The following CDH13 variants were observed in gnomAD, a reference collection of about 807,000 sequenced individuals.
CDH13 encodes cadherin 13.
A neutral mutation model predicts 63.8 loss-of-function variants in CDH13; 24 were observed. The ratio of observed to expected loss-of-function variants is 0.38; its 90% CI spans 0.27 to 0.53. The LOEUF (loss-of-function observed/expected upper bound fraction) is 0.53. Ranked by LOEUF, CDH13 falls within the 20% of genes least tolerant of loss-of-function variation. The pLI, the probability that CDH13 is intolerant of heterozygous loss-of-function variation, is 0.85. For synonymous variants in CDH13, 503 were observed against 355.3 expected, an observed-to-expected ratio of 1.42 and a Z score of -4.67; for missense variants, 1,049 against 903.1, an observed-to-expected ratio of 1.16 and a Z score of -2.07.
chr16:83,780,029 T>C lies in CDH13; in HGVS notation c.1743T>C (p.Asn581=). Residue 581 remains asparagine (N), a synonymous_variant, in exon 12 of 14, where the codon AAT becomes AAC. Transcript: ENST00000567109. ...TAACCCTGGAGGACGTGAATGACAA[T>C]GCCCCGTTCATTTACCCCACAGTAG... is the stretch of plus-strand genomic sequence containing the variant. ...LLITLEDVND[N]APFIYPTVAE... The C allele has an allele frequency of 1.2e-6, 2 of 1,613,992 alleles. No homozygotes were observed. The highest frequency in any genetic ancestry group is 1.7e-6 in the Non-Finnish European group (2 of 1,179,880).
At chr16:82,873,376 CCT>C (rs1567619500) in intron 2 of CDH13, among the ~76,000 whole-genome samples, 2 of 152,200 alleles carry the variant, frequency 1.3e-5, no homozygotes, top group Admixed American at 6.5e-5. Context: ...GTGTTACAAT[CCT>C]CTGACTCCAA....
intron 1 of CDH13, among the ~76,000 whole-genome samples, chr16:82,836,376 C>T (rs573176632): frequency 6.6e-6 from 1 of 152,254 alleles, no homozygotes; most frequent in Admixed American, 6.5e-5. Flanking sequence ...TCTTGAACTC[C>T]TGACCTCAGG....
At chr16:82,824,219 A>G (rs749227691) in intron 1 of CDH13, 5 of 152,194 alleles carry the variant, frequency 3.3e-5, no homozygotes, top group African/African-American at 7.2e-5. Flanking sequence ...GTTTAAATAC[A>G]TAAGTTCATA....
At chr16:83,381,670 T>C (rs1294715036) in intron 6 of CDH13, among the ~76,000 whole-genome samples, 1 of 151,894 alleles carries the variant, frequency 6.6e-6, no homozygotes, top group Non-Finnish European at 1.5e-5. Context: ...CACTTGTCTA[T>C]CTGAGTCAAA....
intron 6 of CDH13, among the ~76,000 whole-genome samples, chr16:83,350,520 A>G (rs976903208): frequency 1.3e-5 from 2 of 151,304 alleles, no homozygotes; most frequent in African/African-American, 4.9e-5. Context: ...AAGCCCAGCC[A>G]CTTTCCCTCC....
At chr16:82,902,035 C>T (rs2151245210) in intron 2 of CDH13, among the ~76,000 whole-genome samples, 1 of 152,310 alleles carries the variant, frequency 6.6e-6, no homozygotes, top group East Asian at 1.9e-4. Context: ...GTGGCAGAGT[C>T]AAGACTCAAA....
chr16:82,634,905 A>G (rs1244811156), intron 1 of CDH13, among the ~76,000 whole-genome samples: 1 of 152,214 alleles, frequency 6.6e-6, no homozygotes, highest in African/African-American at 2.4e-5. Flanking sequence ...AGGATCTACT[A>G]TGTTCCAAGC....
intron 5 of CDH13, among the ~76,000 whole-genome samples, chr16:83,296,346 G>A (rs1179447790): frequency 6.6e-6 from 1 of 152,132 alleles, no homozygotes; most frequent in Non-Finnish European, 1.5e-5. Context: ...AGCAGAGTCG[G>A]ATGATGCATT....
chr16:83,506,871 T>C (rs1276805041), intron 7 of CDH13, among the ~76,000 whole-genome samples: 1 of 152,216 alleles, frequency 6.6e-6, no homozygotes, highest in Non-Finnish European at 1.5e-5. Flanking sequence ...ACCTTGGAAG[T>C]AGACCTTCTA....
chr16:83,050,912 C>G (rs1440942338), intron 3 of CDH13, among the ~76,000 whole-genome samples: 1 of 152,168 alleles, frequency 6.6e-6, no homozygotes, highest in African/African-American at 2.4e-5. Context: ...TAGTTCCTCA[C>G]CACCTGGGAG....
At chr16:83,129,637 T>C (rs1242717258) in intron 4 of CDH13, among the ~76,000 whole-genome samples, 2 of 152,164 alleles carry the variant, frequency 1.3e-5, no homozygotes, top group Non-Finnish European at 2.9e-5. Flanking sequence ...CTCCCAGCAG[T>C]CACTGGTGGA....
chr16:82,869,623 C>T (rs2040274411), intron 2 of CDH13, among the ~76,000 whole-genome samples: 1 of 152,096 alleles, frequency 6.6e-6, no homozygotes, highest in Admixed American at 6.5e-5. Flanking sequence ...GTGATACTGG[C>T]ATAAAAACAG....
chr16:83,047,180 G>A lies in CDH13; in HGVS notation c.366+14962G>A, dbSNP rs569980751. On this transcript the variant is annotated intron_variant, in intron 3 of 13. Transcript: ENST00000567109. This position sits in a 1 kb window ranked among gnomAD's most constrained non-coding sequence, Gnocchi z 4.9. ...CCAAGGAAAGGTCTGCAGACTATAA[G>A]CAGACTTTATCTGAAGACCACCTCC... Among the ~76,000 whole-genome samples, 12 of 152,248 alleles carry A rather than the reference G, an allele frequency of 7.9e-5. No individual in the cohort carries two copies. The highest frequency in any genetic ancestry group is 2.9e-4 in the African/African-American group (12 of 41,550).
chr16:83,729,720 T>G (rs417797), intron 10 of CDH13, among the ~76,000 whole-genome samples: 79,728 of 152,036 alleles, frequency 0.52, 21,616 homozygotes, highest in Non-Finnish European at 0.6. Context: ...TGCTTGGAAA[T>G]TCCCTGGCAC....
rs192319031 is a variant in CDH13, at chr16:83,172,874, C to A, written c.484-44471C>A. On this transcript the variant is annotated intron_variant, in intron 4 of 13. Coordinates refer to ENST00000567109, the MANE Select transcript of CDH13 (RefSeq NM_001257.5). ...AGGATTTGATCTACTGAACCTTCTA[C>A]TGCACTAAAAATTCTCATTTCATCA... Among the ~76,000 whole-genome samples, 91 of 152,264 alleles carry A rather than the reference C, an allele frequency of 6.0e-4. No individual in the cohort carries two copies. The East Asian group carries it at 0.016, about 27-fold the overall frequency.
chr16:82,999,035 T>C (rs1912568761), intron 2 of CDH13, among the ~76,000 whole-genome samples: 1 of 152,146 alleles, frequency 6.6e-6, no homozygotes, highest in Admixed American at 6.5e-5. Flanking sequence ...CCAAAACGCG[T>C]ATTCTTCCAC....
At chr16:83,345,083 G>C in intron 6 of CDH13, 77 bp downstream of exon 6, 1 of 1,487,918 alleles carries the variant, frequency 6.7e-7, no homozygotes. Flanking sequence ...TCTAGGGACT[G>C]TCTTATGGCT....
rs956251555 is a variant in CDH13, at chr16:82,833,125, A to G, written c.46-25237A>G. Among the ~76,000 whole-genome samples, 24 of 152,364 alleles carry G rather than the reference A, an allele frequency of 1.6e-4. 1 individual carries two copies. Among genetic ancestry groups the G allele is most frequent in the Admixed American group, 1.2e-3 (19 of 15,310 alleles). On this transcript the variant is annotated intron_variant, in intron 1 of 13. Coordinates refer to ENST00000567109, the MANE Select transcript of CDH13 (RefSeq NM_001257.5). The stretch of plus-strand genomic sequence containing the variant: ...AGAAGGAGAGCCAATGTGAGAGACC[A>G]GTGAACTCAGACCCGTCTCCCAAGA...
chr16:83,031,254 T>TGC (rs1916290656), intron 2 of CDH13, among the ~76,000 whole-genome samples: 1 of 146,198 alleles, frequency 6.8e-6, no homozygotes, highest in African/African-American at 2.5e-5. Flanking sequence ...TGCGCATGTA[T>TGC]ACACCATATA....
Sources: allele counts gnomAD v4.1 joint callset (sites outside exome capture counted in the v4.1 genomes callset), GRCh38; gene constraint gnomAD v4.1.1; non-coding constraint Gnocchi (gnomAD v3.1); transcripts MANE v1.5; gene names NCBI Gene and HGNC (gene_info 2026-07-23, HGNC 2026-07-21).